Variants in PLXNA2 observed in about 807,000 individuals in gnomAD.
PLXNA2 encodes plexin A2.
PLXNA2 carries 91 observed loss-of-function variants against 193.5 expected under a neutral mutation model. The observed-to-expected ratio is 0.47, with a 90% CI of 0.40 to 0.56. The LOEUF is 0.56. PLXNA2 is among the 20% of genes least tolerant of loss of function. PLXNA2 has a pLI of 0.00. For synonymous variants in PLXNA2, 997 were observed against 1,027.3 expected (o/e 0.97, Z 0.56); for missense variants, 1,995 against 2,503.2 (o/e 0.80, Z 4.33).
At chr1:208,127,565 A>G (rs1227544322) in intron 4 of PLXNA2, among the ~76,000 whole-genome samples, 1 of 152,226 alleles carries the variant, frequency 6.6e-6, no homozygotes, top group Non-Finnish European at 1.5e-5. Flanking sequence ...CTGCAGAGAA[A>G]TGCATGGCTG....
chr1:208,083,086 G>A (rs1488679764), intron 10 of PLXNA2, among the ~76,000 whole-genome samples: 2 of 152,148 alleles, frequency 1.3e-5, no homozygotes, highest in African/African-American at 2.4e-5. Flanking sequence ...GAGTCTCATC[G>A]AGCAGTCACC....
intron 26 of PLXNA2, among the ~76,000 whole-genome samples, chr1:208,036,175 T>A (rs925877112): frequency 3.3e-5 from 5 of 152,214 alleles, no homozygotes; most frequent in Non-Finnish European, 7.3e-5. Context: ...TACCTCCGTC[T>A]TTCAGGAATT....
chr1:208,206,208 C>T (rs1381352568), intron 3 of PLXNA2, among the ~76,000 whole-genome samples: 1 of 152,192 alleles, frequency 6.6e-6, no homozygotes, highest in African/African-American at 2.4e-5. Flanking sequence ...CACATCGATC[C>T]AGCTCTTGTT....
At chr1:208,133,392 G>A (rs1369271762) in intron 4 of PLXNA2, among the ~76,000 whole-genome samples, 2 of 152,190 alleles carry the variant, frequency 1.3e-5, no homozygotes, top group African/African-American at 2.4e-5. Flanking sequence ...AAAAGCATAC[G>A]TAATAGTGCT....
chr1:208,113,289 C>T (rs1667543228), intron 4 of PLXNA2, among the ~76,000 whole-genome samples: 1 of 152,132 alleles, frequency 6.6e-6, no homozygotes, highest in African/African-American at 2.4e-5. Flanking sequence ...AGGGATGCCC[C>T]CTACCTACTC....
chr1:208,106,228 C>T (rs537508894), intron 4 of PLXNA2, among the ~76,000 whole-genome samples: 5 of 152,222 alleles, frequency 3.3e-5, no homozygotes, highest in African/African-American at 7.2e-5. Context: ...TCACAGTGAC[C>T]GGGTGGAGAC....
At chr1:208,134,644 C>T (rs1022507520) in intron 4 of PLXNA2, among the ~76,000 whole-genome samples, 1 of 152,170 alleles carries the variant, frequency 6.6e-6, no homozygotes, top group Non-Finnish European at 1.5e-5. Context: ...TCCCTCCTCC[C>T]CAGAGGCTCA....
At chr1:208,034,461 T>G in intron 27 of PLXNA2, 32 bp downstream of exon 27, 1 of 1,414,154 alleles carries the variant, frequency 7.1e-7, no homozygotes, top group Admixed American at 1.7e-5. Flanking sequence ...GACTCTGCTC[T>G]GAGCTGCCCA....
At chr1:208,235,131 G>A (rs1430480427) in intron 1 of PLXNA2, among the ~76,000 whole-genome samples, 2 of 152,114 alleles carry the variant, frequency 1.3e-5, no homozygotes, top group Admixed American at 1.3e-4. Flanking sequence ...AAAACCCAAG[G>A]GCGGCAAAGG....
chr1:208,188,874 G>A (rs1670087617), intron 3 of PLXNA2, among the ~76,000 whole-genome samples: 1 of 152,170 alleles, frequency 6.6e-6, no homozygotes. Flanking sequence ...AGATAAGATG[G>A]CAGAGGGTTG....
At chr1:208,083,763 T>C (rs1328159884) in intron 10 of PLXNA2, among the ~76,000 whole-genome samples, 1 of 152,146 alleles carries the variant, frequency 6.6e-6, no homozygotes, top group East Asian at 1.9e-4. Context: ...CTGTCTGCCA[T>C]TCTGGATTGG....
intron 28 of PLXNA2, chr1:208,032,262 C>G (rs1664527287): frequency 2.5e-6 from 1 of 408,150 alleles, no homozygotes; most frequent in African/African-American, 2.2e-5. Context: ...AGGGTCTAGA[C>G]TCAAGAACCA....
intron 3 of PLXNA2, among the ~76,000 whole-genome samples, chr1:208,179,233 G>C (rs539060622): frequency 6.6e-6 from 1 of 152,290 alleles, no homozygotes; most frequent in East Asian, 1.9e-4. Flanking sequence ...GTAAATTACA[G>C]GATGATGATG....
chr1:208,059,378 G>A (rs890513622), intron 13 of PLXNA2, among the ~76,000 whole-genome samples: 2 of 152,238 alleles, frequency 1.3e-5, no homozygotes, highest in African/African-American at 4.8e-5. Context: ...CAGACCTGAA[G>A]GATCTGAGAG....
intron 26 of PLXNA2, 67 bp from the exon 27 acceptor site, chr1:208,034,659 AGT>A: frequency 1.0e-6 from 1 of 970,976 alleles, no homozygotes; most frequent in Non-Finnish European, 1.7e-6. Context: ...TGGATAGTCA[AGT>A]ATTTCTAGAG....
chr1:208,221,486 G>T (rs1671335661), intron 1 of PLXNA2, among the ~76,000 whole-genome samples: 1 of 144,660 alleles, frequency 6.9e-6, no homozygotes, highest in South Asian at 2.2e-4. Flanking sequence ...TTTGGGACAG[G>T]CCACTCCTGA....
chr1:208,141,689 C>T (rs948075854), intron 4 of PLXNA2, among the ~76,000 whole-genome samples: 1 of 152,198 alleles, frequency 6.6e-6, no homozygotes, highest in African/African-American at 2.4e-5. Context: ...TTTCCCTTCA[C>T]CATGGCTCTC....
chr1:208,152,141 A>G (rs1345411074), intron 3 of PLXNA2, among the ~76,000 whole-genome samples: 3 of 152,204 alleles, frequency 2.0e-5, no homozygotes, highest in Non-Finnish European at 4.4e-5. Context: ...GCTTTCATTA[A>G]CACTGAGGAT....
At chr1:208,081,890 A>C (rs1288212714) in intron 11 of PLXNA2, among the ~76,000 whole-genome samples, 1 of 152,016 alleles carries the variant, frequency 6.6e-6, no homozygotes, top group African/African-American at 2.4e-5. Flanking sequence ...AATAAGGGTC[A>C]CCCTCATGGA....
Sources: allele counts gnomAD v4.1 joint callset (sites outside exome capture counted in the v4.1 genomes callset), GRCh38; gene constraint gnomAD v4.1.1; transcripts MANE v1.5; gene names NCBI Gene and HGNC (gene_info 2026-07-23, HGNC 2026-07-21).